Variants in EXOC2 observed in about 807,000 individuals in gnomAD.
The protein encoded by EXOC2 is SEC5-like 1.
In EXOC2, 70 loss-of-function variants were observed where a neutral mutation model predicts 131.8. The ratio of observed to expected loss-of-function variants is 0.53; its 90% CI spans 0.44 to 0.65. The LOEUF is 0.65. Among genes scored for constraint, EXOC2 ranks in the 30% least tolerant of loss-of-function variants. The pLI, the probability that EXOC2 is intolerant of heterozygous loss-of-function variation, is 0.00. For missense variants in EXOC2, 923 were observed against 1,108.6 expected, an observed-to-expected ratio of 0.83 and a Z score of 2.38; for synonymous variants, 411 against 398.4, an observed-to-expected ratio of 1.03 and a Z score of -0.38.
chr6:579,286 T>C (rs1758754474), intron 11 of EXOC2, among the ~76,000 whole-genome samples: 1 of 152,246 alleles, frequency 6.6e-6, no homozygotes. Context: ...AGTTTTGTAA[T>C]GGTTAAAAGA....
chr6:491,932 A>G (rs1763457672), intron 25 of EXOC2, among the ~76,000 whole-genome samples: 1 of 152,214 alleles, frequency 6.6e-6, no homozygotes, highest in African/African-American at 2.4e-5. Flanking sequence ...CTGTTCAACA[A>G]ATGGTGCTAG....
At chr6:511,646 C>T (rs900130337) in intron 23 of EXOC2, among the ~76,000 whole-genome samples, 13 of 152,366 alleles carry the variant, frequency 8.5e-5, no homozygotes, top group Non-Finnish European at 5.9e-5. Flanking sequence ...CGGGACAAGC[C>T]GCTCACCTGC....
intron 2 of EXOC2, among the ~76,000 whole-genome samples, chr6:635,126 C>T (rs1762040989): frequency 1.3e-5 from 2 of 152,084 alleles, no homozygotes; most frequent in Admixed American, 6.5e-5. Flanking sequence ...TGAAGAACAA[C>T]CCAACAATTA....
At chr6:487,079 T>A (rs1054894079) in intron 27 of EXOC2, among the ~76,000 whole-genome samples, 8 of 152,212 alleles carry the variant, frequency 5.3e-5, no homozygotes, top group Admixed American at 6.5e-5. Context: ...CTAAAATAAT[T>A]TACACACCTT....
chr6:574,906 G>A (rs1453099184), intron 12 of EXOC2, among the ~76,000 whole-genome samples: 2 of 152,254 alleles, frequency 1.3e-5, no homozygotes, highest in Non-Finnish European at 2.9e-5. Context: ...CTGTTTTCCA[G>A]ATGGCAGGTG....
At chr6:487,443 G>A (rs139319070) in intron 27 of EXOC2, among the ~76,000 whole-genome samples, 1,642 of 151,986 alleles carry the variant, frequency 0.011, 32 homozygotes, top group African/African-American at 0.037. Context: ...GTTTTGCTCT[G>A]TCGCCCAGGC....
At chr6:590,875 A>G (rs1475692033) in intron 11 of EXOC2, among the ~76,000 whole-genome samples, 5 of 152,144 alleles carry the variant, frequency 3.3e-5, no homozygotes, top group Admixed American at 6.5e-5. Flanking sequence ...CAAATTTCTC[A>G]GTCTCTAGAT....
At chr6:691,074 A>C (rs1764902960) in intron 1 of EXOC2, among the ~76,000 whole-genome samples, 1 of 152,242 alleles carries the variant, frequency 6.6e-6, no homozygotes, top group Non-Finnish European at 1.5e-5. Flanking sequence ...TGAGTGGAAA[A>C]GTAACTGAGA....
intron 23 of EXOC2, among the ~76,000 whole-genome samples, chr6:530,139 C>T (rs542416470): frequency 4.6e-5 from 7 of 152,250 alleles, no homozygotes; most frequent in East Asian, 1.9e-4. Flanking sequence ...GAATATCCAC[C>T]GTGTACTGTT....
chr6:692,176 T>C (rs146948323), intron 1 of EXOC2, among the ~76,000 whole-genome samples: 67 of 152,374 alleles, frequency 4.4e-4, no homozygotes, highest in Non-Finnish European at 6.8e-4. Context: ...TTTTTAAGTG[T>C]TCCTTGTAAG....
intron 27 of EXOC2, among the ~76,000 whole-genome samples, chr6:488,332 G>A (rs972377256): frequency 3.4e-4 from 52 of 152,252 alleles, no homozygotes; most frequent in African/African-American, 1.2e-3. Flanking sequence ...AGGGCGGGTG[G>A]TGAAGGAATG....
chr6:500,479 G>A (rs1478809462), intron 23 of EXOC2, among the ~76,000 whole-genome samples: 1 of 152,202 alleles, frequency 6.6e-6, no homozygotes, highest in African/African-American at 2.4e-5. Context: ...AGAAGGCTGT[G>A]AGCCTCAGTT....
At chr6:493,110 G>T (rs939357878) in intron 25 of EXOC2, among the ~76,000 whole-genome samples, 5 of 152,146 alleles carry the variant, frequency 3.3e-5, no homozygotes, top group Non-Finnish European at 7.3e-5. Flanking sequence ...TTATTCTCAA[G>T]GAGTGGACAA....
At chr6:688,706 T>G (rs183157608) in intron 1 of EXOC2, among the ~76,000 whole-genome samples, 1 of 152,332 alleles carries the variant, frequency 6.6e-6, no homozygotes, top group Admixed American at 6.5e-5. Context: ...TTCTGGTTAC[T>G]GTTAGCTTCC....
intron 22 of EXOC2, among the ~76,000 whole-genome samples, chr6:546,258 C>T (rs1756848631): frequency 6.6e-6 from 1 of 152,036 alleles, no homozygotes. Flanking sequence ...ACAGGCAATA[C>T]TAATGAAAAT....
At chr6:635,958 G>T (rs912866853) in intron 2 of EXOC2, among the ~76,000 whole-genome samples, 22 of 152,254 alleles carry the variant, frequency 1.4e-4, no homozygotes, top group African/African-American at 5.1e-4. Flanking sequence ...AGCTACTGGG[G>T]AGGCTGAGGC....
At chr6:674,782 TGGACCAG>T (rs1451279369) in intron 1 of EXOC2, among the ~76,000 whole-genome samples, 1 of 152,066 alleles carries the variant, frequency 6.6e-6, no homozygotes, top group Non-Finnish European at 1.5e-5. Flanking sequence ...TTGGAGCCTG[TGGACCAG>T]GGAAGGGACT....
chr6:499,859 T>A (rs898730606), intron 23 of EXOC2, among the ~76,000 whole-genome samples, 159 bp from the exon 24 acceptor site: 3 of 152,178 alleles, frequency 2.0e-5, no homozygotes, highest in African/African-American at 4.8e-5. Flanking sequence ...GAAAGGAGTA[T>A]TTCCATACAG....
intron 22 of EXOC2, among the ~76,000 whole-genome samples, chr6:542,479 C>G (rs1756613213): frequency 6.6e-6 from 1 of 152,164 alleles, no homozygotes; most frequent in Non-Finnish European, 1.5e-5. Context: ...GATGAGACAT[C>G]TGCATCTCAA....
Sources: allele counts gnomAD v4.1 joint callset (sites outside exome capture counted in the v4.1 genomes callset), GRCh38; gene constraint gnomAD v4.1.1; transcripts MANE v1.5; gene names NCBI Gene and HGNC (gene_info 2026-07-23, HGNC 2026-07-21).